LRGUK: variants seen among roughly 807,000 people sequenced by gnomAD.
LRGUK encodes leucine rich repeats and guanylate kinase domain containing.
LRGUK carries 65 observed loss-of-function variants against 76.0 expected under a neutral mutation model. The ratio of observed to expected loss-of-function variants is 0.85; its 90% CI spans 0.70 to 1.05. LRGUK has a LOEUF of 1.05. Ranked by LOEUF, LRGUK falls within the 50% of genes least tolerant of loss-of-function variation. The pLI is 0.00. For missense variants in LRGUK, 758 were observed against 732.8 expected (o/e 1.03, Z -0.40); for synonymous variants, 268 against 265.6 (o/e 1.01, Z -0.09).
exon 9 of LRGUK, chr7:134,177,037 C>A: frequency 1.3e-6 from 2 of 1,599,864 alleles, no homozygotes; most frequent in Non-Finnish European, 1.7e-6. Flanking sequence ...AGAATTAGAT[C>A]AGAAGAAGAT....
intron 16 of LRGUK, among the ~76,000 whole-genome samples, chr7:134,224,226 T>C (rs1319702335): frequency 6.6e-6 from 1 of 152,202 alleles, no homozygotes; most frequent in Non-Finnish European, 1.5e-5. Flanking sequence ...ATCCTGTCCA[T>C]CTTTAATCCT....
chr7:134,263,171 C>T (rs1802779878), intron 19 of LRGUK, among the ~76,000 whole-genome samples: 1 of 152,064 alleles, frequency 6.6e-6, no homozygotes, highest in South Asian at 2.1e-4. Context: ...CTCTCACTCT[C>T]TATAGAATCC....
intron 2 of LRGUK, 32 bp downstream of exon 2, chr7:134,137,162 A>AGC: frequency 6.9e-7 from 1 of 1,445,742 alleles, no homozygotes; most frequent in Non-Finnish European, 9.6e-7. Flanking sequence ...TTGGCTGGCT[A>AGC]CAGCTTGACA....
At chr7:134,217,410 T>C (rs1315434884) in intron 15 of LRGUK, among the ~76,000 whole-genome samples, 2 of 152,200 alleles carry the variant, frequency 1.3e-5, no homozygotes, top group African/African-American at 4.8e-5. Context: ...CACTCAAGAA[T>C]ATAGCACTTC....
intron 16 of LRGUK, among the ~76,000 whole-genome samples, chr7:134,232,357 CA>C (rs1801922090): frequency 6.6e-6 from 1 of 152,104 alleles, no homozygotes; most frequent in Non-Finnish European, 1.5e-5. Context: ...CGGCTCACTG[CA>C]ACCTCTGCCT....
chr7:134,263,403 C>CTGTGTGTGTGTGTCTGTGTGTGTGTG (rs1554479224), intron 19 of LRGUK, among the ~76,000 whole-genome samples: 2 of 142,178 alleles, frequency 1.4e-5, no homozygotes, highest in African/African-American at 5.7e-5. Context: ...CTTCACTTCA[C>CTGTGTGTGTGTGTCTGTGTGTGTGTG]TGTGTGTGTG....
At chr7:134,141,119 T>C (rs1368809541) in intron 3 of LRGUK, among the ~76,000 whole-genome samples, 5 of 152,216 alleles carry the variant, frequency 3.3e-5, no homozygotes, top group African/African-American at 1.2e-4. Context: ...CAAGCCTTTC[T>C]CTTCAGCCCG....
downstream of LRGUK, among the ~76,000 whole-genome samples, chr7:134,268,241 T>C (rs1380904548): frequency 1.3e-5 from 2 of 152,100 alleles, no homozygotes; most frequent in Non-Finnish European, 1.5e-5. Flanking sequence ...CAGATGAAGA[T>C]GATATATTTT....
rs146513441 is a variant in LRGUK, at chr7:134,226,314, T to C, written c.1983+4396T>C. Among the ~76,000 whole-genome samples the C allele has an allele frequency of 6.7e-3, 1,014 of 151,832 alleles. 12 individuals are homozygous for C. Among genetic ancestry groups the C allele is most frequent in the African/African-American group, 0.018 (745 of 41,276 alleles). On this transcript the variant is annotated intron_variant, in intron 16 of 19. Transcript: ENST00000285928. ...GCACCATTCCCACTTATGTTAAAGA[T>C]TGCATTCTTTCTCTCCCGCTCAAAT...
At chr7:134,161,215 T>C (rs959448768) in intron 6 of LRGUK, among the ~76,000 whole-genome samples, 2 of 152,212 alleles carry the variant, frequency 1.3e-5, no homozygotes, top group Non-Finnish European at 2.9e-5. Flanking sequence ...GAAAGAAATA[T>C]ATTGTATATA....
chr7:134,178,378 T>C, intron 9 of LRGUK, 125 bp from the exon 10 acceptor site: 3 of 577,852 alleles, frequency 5.2e-6, no homozygotes, highest in Non-Finnish European at 9.1e-6. Flanking sequence ...TTAATGGGTG[T>C]GTGTTAAATT....
intron 16 of LRGUK, among the ~76,000 whole-genome samples, chr7:134,245,090 A>G (rs1222779086): frequency 6.6e-6 from 1 of 152,178 alleles, no homozygotes; most frequent in Non-Finnish European, 1.5e-5. Flanking sequence ...AATGTAAATG[A>G]CGAGTTAATG....
At chr7:134,218,377 T>C (rs1801491670) in intron 15 of LRGUK, among the ~76,000 whole-genome samples, 1 of 152,250 alleles carries the variant, frequency 6.6e-6, no homozygotes, top group African/African-American at 2.4e-5. Context: ...CTAGTGTTGA[T>C]ACATTTTTTT....
intron 15 of LRGUK, among the ~76,000 whole-genome samples, chr7:134,220,835 G>A (rs938592588): frequency 3.3e-5 from 5 of 152,196 alleles, no homozygotes; most frequent in Middle Eastern, 3.4e-3. Context: ...CTCCCAAAGT[G>A]CTGAGATTAC....
chr7:134,157,152 G>A (rs528983049), intron 5 of LRGUK, among the ~76,000 whole-genome samples: 1 of 152,306 alleles, frequency 6.6e-6, no homozygotes, highest in Non-Finnish European at 1.5e-5. Flanking sequence ...AAGAAAGTAA[G>A]GCAGAGTTTA....
At chr7:134,132,460 G>A (rs1797354806) in intron 1 of LRGUK, among the ~76,000 whole-genome samples, 1 of 152,202 alleles carries the variant, frequency 6.6e-6, no homozygotes, top group Non-Finnish European at 1.5e-5. Flanking sequence ...GAGAGTCATT[G>A]GAGACATTGG....
At chr7:134,183,964 G>A (rs1799871953) in intron 11 of LRGUK, 111 bp downstream of exon 11, 1 of 1,386,786 alleles carries the variant, frequency 7.2e-7, no homozygotes, top group Admixed American at 2.1e-5. Context: ...TTAATTTTAA[G>A]CAATTTCAGA....
intron 7 of LRGUK, among the ~76,000 whole-genome samples, chr7:134,168,791 A>T (rs1799108486): frequency 6.6e-6 from 1 of 152,142 alleles, no homozygotes; most frequent in South Asian, 2.1e-4. Flanking sequence ...CCTTACTGTC[A>T]TCGAGAACCC....
the LRGUK span, among the ~76,000 whole-genome samples, chr7:134,270,692 T>C: frequency 6.6e-6 from 1 of 152,104 alleles, no homozygotes; most frequent in Non-Finnish European, 1.5e-5. Flanking sequence ...TTAATCCACA[T>C]AGTTTTTATT....
Sources: gnomAD v4.1 joint callset for allele counts (sites outside exome capture counted in the v4.1 genomes callset) on GRCh38, gnomAD v4.1.1 for gene constraint, MANE v1.5 for transcripts, NCBI Gene and HGNC (gene_info 2026-07-23, HGNC 2026-07-21) for gene names.